Variants in DCDC2 observed in about 807,000 individuals in gnomAD.
DCDC2 encodes doublecortin domain containing 2.
DCDC2 carries 40 observed loss-of-function variants against 50.2 expected under a neutral mutation model. That is an observed-to-expected ratio of 0.80 (90% CI 0.62 to 1.04). DCDC2 has a LOEUF of 1.04. Ranked by LOEUF, DCDC2 falls within the 50% of genes least tolerant of loss-of-function variation. The pLI, the probability that DCDC2 is intolerant of heterozygous loss-of-function variation, is 0.00. For missense variants in DCDC2, 570 were observed against 581.9 expected (o/e 0.98, Z 0.21); for synonymous variants, 234 against 210.6 (o/e 1.11, Z -0.96).
chr6:24,292,892 A>C (rs932553110), intron 4 of DCDC2, among the ~76,000 whole-genome samples: 2 of 152,238 alleles, frequency 1.3e-5, no homozygotes, highest in Non-Finnish European at 2.9e-5. Context: ...AAATGGTTTC[A>C]GGCACTGCCA....
chr6:24,363,599 A>G, the DCDC2 span, among the ~76,000 whole-genome samples: 1 of 152,340 alleles, frequency 6.6e-6, no homozygotes, highest in South Asian at 2.1e-4. Flanking sequence ...TTTCTGCTTA[A>G]GCAATATTTA....
chr6:24,247,795 C>T (rs6923473), intron 7 of DCDC2, among the ~76,000 whole-genome samples: 21,187 of 152,222 alleles, frequency 0.14, 1,756 homozygotes, highest in African/African-American at 0.23. Flanking sequence ...ATGTTCTTGG[C>T]CATGTGTGGT....
intron 2 of DCDC2, among the ~76,000 whole-genome samples, chr6:24,326,500 T>C (rs1245646225): frequency 6.7e-6 from 1 of 148,832 alleles, no homozygotes; most frequent in Non-Finnish European, 1.5e-5. Flanking sequence ...AGAGAGCAGA[T>C]ATAGAAAGGA....
chr6:24,376,028 G>GAA, the DCDC2 span, among the ~76,000 whole-genome samples: 3 of 149,162 alleles, frequency 2.0e-5, no homozygotes, highest in Admixed American at 1.3e-4. Context: ...GCATCTCCTG[G>GAA]AAAAAAAAAA....
chr6:24,365,974 A>G, the DCDC2 span, among the ~76,000 whole-genome samples: 1 of 151,156 alleles, frequency 6.6e-6, no homozygotes, highest in Non-Finnish European at 1.5e-5. Context: ...CACGCCACCA[A>G]GCCTGGCTAA....
At chr6:24,229,610 A>G (rs1410549457) in intron 7 of DCDC2, among the ~76,000 whole-genome samples, 1 of 152,154 alleles carries the variant, frequency 6.6e-6, no homozygotes, top group Non-Finnish European at 1.5e-5. Context: ...GACATTATCA[A>G]AGTAAACTAG....
chr6:24,196,045 C>G (rs1276266974), intron 8 of DCDC2, among the ~76,000 whole-genome samples: 1 of 152,196 alleles, frequency 6.6e-6, no homozygotes, highest in Non-Finnish European at 1.5e-5. Flanking sequence ...GGCCCTCTGA[C>G]TAAAATTACA....
At chr6:24,291,476 A>AC (rs1763746967) in intron 4 of DCDC2, among the ~76,000 whole-genome samples, 1 of 122,196 alleles carries the variant, frequency 8.2e-6, no homozygotes, top group African/African-American at 3.0e-5. Context: ...TTTTGTTAAT[A>AC]CTTTTTTTTT....
At chr6:24,271,371 A>T (rs1763236571) in intron 7 of DCDC2, among the ~76,000 whole-genome samples, 1 of 152,108 alleles carries the variant, frequency 6.6e-6, no homozygotes, top group African/African-American at 2.4e-5. Flanking sequence ...CTTAGAAGTA[A>T]TGGGTAGCAT....
chr6:24,174,533 C>A lies in DCDC2; in HGVS notation c.*197G>T. On this transcript the variant is annotated 3_prime_UTR_variant, in exon 10 of 10. Transcript: ENST00000378454. ...TTCTATATGACTTTTAAAACACATG[C>A]AATAAAAGTAAGTAATTATCCTTTA... 2.4e-6 allele frequency: 1 copy of A among 423,744 alleles called. No homozygotes were observed. Among genetic ancestry groups the A allele is most frequent in the Admixed American group, 3.7e-5 (1 of 27,010 alleles). 26.2% of individuals were successfully genotyped at this position (423,744 alleles called of 1,614,324 possible).
intron 8 of DCDC2, among the ~76,000 whole-genome samples, chr6:24,201,692 C>CA (rs1194769304): frequency 6.6e-6 from 1 of 152,064 alleles, no homozygotes. Context: ...AAAAACCCTT[C>CA]AAAAAATCAA....
chr6:24,241,926 C>T (rs1281061137), intron 7 of DCDC2, among the ~76,000 whole-genome samples: 1 of 152,178 alleles, frequency 6.6e-6, no homozygotes, highest in Admixed American at 6.5e-5. Flanking sequence ...AATTCCAGCA[C>T]TTTGGGAGGC....
At chr6:24,306,543 T>TAGATAGAGAGAC (rs1209633765) in intron 2 of DCDC2, among the ~76,000 whole-genome samples, 3 of 115,662 alleles carry the variant, frequency 2.6e-5, no homozygotes, top group African/African-American at 6.8e-5. Flanking sequence ...GATAGATAGA[T>TAGATAGAGAGAC]AGACAGACAG....
At position 24,194,623 on chromosome 6, in the gene DCDC2, T is replaced by C. The variant is rs971760220; in HGVS notation, c.1023+10379A>G. 1.1e-4 allele frequency among the ~76,000 whole-genome samples: 17 copies of C among 152,308 alleles called. No homozygotes were observed. In the East Asian group the frequency reaches 2.7e-3, roughly 24 times the overall value. ...TATTACTAGGGGCAGTTTACTTAAT[T>C]AAAATGGAGCAGACTCATTTCTTAC... On this transcript the variant is annotated intron_variant, in intron 8 of 9. Coordinates refer to ENST00000378454, the MANE Select transcript of DCDC2 (RefSeq NM_016356.5).
At position 24,308,956 on chromosome 6, in the gene DCDC2, C is replaced by T. The variant is rs188760703; in HGVS notation, c.349-6912G>A. Among the ~76,000 whole-genome samples the T allele has an allele frequency of 5.3e-4, 80 of 152,210 alleles. 1 individual carries two copies. The highest frequency in any genetic ancestry group is 3.4e-3 in the Middle Eastern group (1 of 294). On this transcript the variant is annotated intron_variant, in intron 2 of 9. Coordinates refer to ENST00000378454, the MANE Select transcript of DCDC2 (RefSeq NM_016356.5). ...CCAAAAAATCACAAAGGAAGTTCTT[C>T]AAACACGGAAAATAATACAAGATAC... is the stretch of plus-strand genomic sequence containing the variant.
chr6:24,306,543 T>TAGATAGATAGATAGATAGATAGACAGAC (rs1209633765), intron 2 of DCDC2, among the ~76,000 whole-genome samples: 2 of 115,662 alleles, frequency 1.7e-5, no homozygotes, highest in East Asian at 5.4e-4. Flanking sequence ...GATAGATAGA[T>TAGATAGATAGATAGATAGATAGACAGAC]AGACAGACAG....
Position 24,290,976 on chromosome 6 carries a change from G to C in DCDC2, c.660C>G (p.Tyr220Ter). The C allele has an allele frequency of 6.2e-7, 1 of 1,613,900 alleles. No individual in the cohort carries two copies. The highest frequency in any genetic ancestry group is 8.5e-7 in the Non-Finnish European group (1 of 1,179,872). ...VGRDKFKKLP[Y>*]SELLFDKSTM... ...TTGACTTGTCAAAAAGTAACTCACT[G>C]TAAGGCAGTTTCTTAAACTTATCTC... is the stretch of plus-strand genomic sequence containing the variant. The change falls in exon 5 of 10, where the codon TAC (tyrosine) becomes TAG (stop). Residue 220 changes from tyrosine (Y) to a stop codon, truncating the protein, a stop_gained. Coordinates refer to ENST00000378454, the MANE Select transcript of DCDC2 (RefSeq NM_016356.5). LOFTEE classifies it high-confidence loss of function.
intron 7 of DCDC2, among the ~76,000 whole-genome samples, chr6:24,231,530 T>C (rs1353071505): frequency 6.6e-6 from 1 of 152,116 alleles, no homozygotes; most frequent in Non-Finnish European, 1.5e-5. Flanking sequence ...AGCTCAGACC[T>C]GGGTTGTGTT....
At chr6:24,315,741 G>A (rs1402148338) in intron 2 of DCDC2, among the ~76,000 whole-genome samples, 2 of 152,116 alleles carry the variant, frequency 1.3e-5, no homozygotes, top group East Asian at 3.9e-4. Context: ...ACAATGCAGG[G>A]CCTCCTACAC....
Sources: allele counts gnomAD v4.1 joint callset (sites outside exome capture counted in the v4.1 genomes callset), GRCh38; gene constraint gnomAD v4.1.1; transcripts MANE v1.5; gene names NCBI Gene and HGNC (gene_info 2026-07-23, HGNC 2026-07-21).